Variants in PARD3 observed in about 807,000 individuals in gnomAD.
PARD3 encodes the protein par-3 family cell polarity regulator.
A neutral mutation model predicts 155.4 loss-of-function variants in PARD3; 75 were observed. The observed-to-expected ratio is 0.48, with a 90% CI of 0.40 to 0.58. PARD3 has a LOEUF of 0.58. Among genes scored for constraint, PARD3 ranks in the 20% least tolerant of loss-of-function variants. The pLI is 0.00. For synonymous variants in PARD3, 576 were observed against 610.5 expected (o/e 0.94, Z 0.83); for missense variants, 1,642 against 1,721.7 (o/e 0.95, Z 0.82).
At chr10:34,593,612 C>T (rs1296712798) in intron 2 of PARD3, among the ~76,000 whole-genome samples, 5 of 152,106 alleles carry the variant, frequency 3.3e-5, no homozygotes, top group African/African-American at 4.8e-5. Flanking sequence ...AATTCAATTC[C>T]TCAAGCTAAA....
In PARD3 at chr10:34,798,339, AAGAAGG is replaced by A. The variant is rs777001599; in HGVS notation, c.120+16531_120+16536del. 1.1e-3 allele frequency among the ~76,000 whole-genome samples: 171 copies of A among 151,814 alleles called. 1 individual carries two copies. Among genetic ancestry groups the A allele is most frequent in the African/African-American group, 3.7e-3 (154 of 41,378 alleles). On this transcript the variant is annotated intron_variant, in intron 1 of 24. Transcript: ENST00000374788. ...AGCAAGTGCAAAACCCTGTCCCGTG[AAGAAGG>A]AGAAGGAGAAGGAGAAAGGAGAAGA...
At chr10:34,363,316 AG>A (rs1839635708) in intron 12 of PARD3, among the ~76,000 whole-genome samples, 1 of 95,614 alleles carries the variant, frequency 1.0e-5, no homozygotes, top group South Asian at 3.2e-4. Flanking sequence ...CATATTCTCC[AG>A]GGGATAGTTT....
intron 2 of PARD3, among the ~76,000 whole-genome samples, chr10:34,690,275 C>T (rs2094031815): frequency 6.6e-6 from 1 of 152,124 alleles, no homozygotes; most frequent in African/African-American, 2.4e-5. Flanking sequence ...AGCCCAATGA[C>T]TGCAGAATAC....
intron 20 of PARD3, among the ~76,000 whole-genome samples, chr10:34,302,749 A>G (rs1221071352): frequency 6.6e-6 from 1 of 152,154 alleles, no homozygotes; most frequent in Non-Finnish European, 1.5e-5. Flanking sequence ...TTCCCCTTTG[A>G]GTTCAGAGAA....
chr10:34,562,112 CCTGA>C (rs1265835063), intron 2 of PARD3, among the ~76,000 whole-genome samples: 12 of 105,270 alleles, frequency 1.1e-4, no homozygotes, highest in African/African-American at 3.3e-4. Flanking sequence ...GGTGACGGAG[CCTGA>C]CTGTCTCAAA....
intron 20 of PARD3, among the ~76,000 whole-genome samples, chr10:34,306,259 C>A (rs984739396): frequency 6.7e-6 from 1 of 148,408 alleles, no homozygotes; most frequent in Non-Finnish European, 1.5e-5. Context: ...CCAGCCTGGG[C>A]GACAGAGCAA....
At chr10:34,380,387 T>C (rs1841705302) in intron 9 of PARD3, among the ~76,000 whole-genome samples, 1 of 152,132 alleles carries the variant, frequency 6.6e-6, no homozygotes, top group Non-Finnish European at 1.5e-5. Flanking sequence ...TGATTAAGCA[T>C]AGTCTTTCTA....
At chr10:34,437,543 A>G (rs571205671) in intron 5 of PARD3, among the ~76,000 whole-genome samples, 1 of 152,096 alleles carries the variant, frequency 6.6e-6, no homozygotes, top group Non-Finnish European at 1.5e-5. Flanking sequence ...GCAAACATCC[A>G]TTGTTCCTAG....
In PARD3 at chr10:34,789,961, G is replaced by A. The variant is rs1367893553; in HGVS notation, c.120+24915C>T. On this transcript the variant is annotated intron_variant, in intron 1 of 24. Transcript: ENST00000374788. ...TGCTTGCTCAAACCAGTGTCTCCATGGCAGAATCCTGAGCTCTGGGAAGCT... is the reference window on the plus strand; with the variant it reads ...TGCTTGCTCAAACCAGTGTCTCCATAGCAGAATCCTGAGCTCTGGGAAGCT... 3.3e-5 allele frequency among the ~76,000 whole-genome samples: 5 copies of A among 152,110 alleles called. No homozygotes were observed. In the East Asian group the frequency reaches 9.6e-4, roughly 29 times the overall value.
intron 4 of PARD3, among the ~76,000 whole-genome samples, chr10:34,459,468 G>A (rs1470442134): frequency 1.3e-5 from 2 of 152,122 alleles, no homozygotes; most frequent in Non-Finnish European, 2.9e-5. Flanking sequence ...ACCACACCCG[G>A]CCCTCATTTT....
intron 22 of PARD3, among the ~76,000 whole-genome samples, chr10:34,218,200 C>A (rs1952101483): frequency 1.3e-5 from 2 of 152,192 alleles, no homozygotes; most frequent in South Asian, 4.1e-4. Context: ...GACTTCTCAA[C>A]CCATTAGACT....
intron 23 of PARD3, among the ~76,000 whole-genome samples, chr10:34,124,700 T>G (rs1947183751): frequency 6.6e-6 from 1 of 152,178 alleles, no homozygotes; most frequent in Non-Finnish European, 1.5e-5. Context: ...CACACCCGTT[T>G]CCCTCATGAA....
intron 7 of PARD3, among the ~76,000 whole-genome samples, 186 bp from the exon 8 acceptor site, chr10:34,384,440 T>A (rs1057360240): frequency 6.6e-6 from 1 of 152,204 alleles, no homozygotes; most frequent in African/African-American, 2.4e-5. Context: ...TAAAAATGCA[T>A]CCCTTCCATA....
Position 34,111,399 on chromosome 10 carries a change from G to A in PARD3, c.3832C>T (p.Leu1278=), listed in dbSNP as rs756340990. The A allele has an allele frequency of 8.7e-6, 14 of 1,614,182 alleles. No individual in the cohort carries two copies. In the South Asian group the frequency reaches 1.5e-4, roughly 18 times the overall value. ...TGGCGAAGGAGCTCCTGAGTTTCCAGCATGACCCTGGCGTTGAAGCCATGT... is the reference window on the plus strand; with the variant it reads ...TGGCGAAGGAGCTCCTGAGTTTCCAACATGACCCTGGCGTTGAAGCCATGT... The part of the protein sequence containing the change: ...GGHGFNARVM[L]ETQELLRQEQ... Residue 1278 remains leucine (L), a synonymous_variant, in exon 25 of 25, where the codon CTG becomes TTG. Coordinates refer to ENST00000374788, the MANE Select transcript of PARD3 (RefSeq NM_001184785.2).
chr10:34,681,730 TTATATATATATATATATATATA>T (rs71487904), intron 2 of PARD3, among the ~76,000 whole-genome samples: 3 of 29,976 alleles, frequency 1.0e-4, no homozygotes, highest in Non-Finnish European at 1.3e-4. Flanking sequence ...CGTATGTATT[TTATATATATATATATATATATA>T]TATATATATA....
At chr10:34,656,882 A>C (rs1229493938) in intron 2 of PARD3, among the ~76,000 whole-genome samples, 1 of 152,234 alleles carries the variant, frequency 6.6e-6, no homozygotes, top group Non-Finnish European at 1.5e-5. Context: ...TGCTACATAA[A>C]AATTGCAAAA....
intron 2 of PARD3, among the ~76,000 whole-genome samples, chr10:34,538,910 A>T (rs1321024114): frequency 6.6e-6 from 1 of 152,252 alleles, no homozygotes; most frequent in Admixed American, 6.5e-5. Flanking sequence ...ACACAATGAC[A>T]CAGATTCATG....
Position 34,426,613 on chromosome 10 carries a change from C to T in PARD3, c.714+23704G>A, listed in dbSNP as rs1023806704. 4.6e-5 allele frequency: 7 copies of T among 152,192 alleles called. No individual in the cohort carries two copies. The East Asian group carries it at 5.8e-4, about 13-fold the overall frequency. 9.4% of individuals were successfully genotyped at this position (152,192 alleles called of 1,614,324 possible). Reference sequence around the variant, plus strand: ...ATATTTCTAAATAATAGTACCATATCGGCTTAAGTTTAAGACTAATATCTA... The same window carrying T: ...ATATTTCTAAATAATAGTACCATATTGGCTTAAGTTTAAGACTAATATCTA... On this transcript the variant is annotated intron_variant, in intron 5 of 24. Coordinates refer to ENST00000374788, the MANE Select transcript of PARD3 (RefSeq NM_001184785.2).
At chr10:34,679,764 G>A (rs1210637496) in intron 2 of PARD3, among the ~76,000 whole-genome samples, 1 of 152,090 alleles carries the variant, frequency 6.6e-6, no homozygotes. Flanking sequence ...TCGAGAACAG[G>A]TCACGAAAAT....
Sources: allele counts gnomAD v4.1 joint callset (sites outside exome capture counted in the v4.1 genomes callset), GRCh38; gene constraint gnomAD v4.1.1; transcripts MANE v1.5; gene names NCBI Gene and HGNC (gene_info 2026-07-23, HGNC 2026-07-21).